The following MYO16 variants were observed in gnomAD, a reference collection of about 807,000 sequenced individuals.
The protein encoded by MYO16 is unconventional myosin-XVI.
Under a neutral mutation model 205.3 loss-of-function variants are expected in MYO16, and 94 were observed. The observed-to-expected ratio is 0.46, with a 90% CI of 0.39 to 0.54. The LOEUF (loss-of-function observed/expected upper bound fraction) is 0.54. Among genes scored for constraint, MYO16 ranks in the 20% least tolerant of loss-of-function variants. The pLI, the probability that MYO16 is intolerant of heterozygous loss-of-function variation, is 0.00. For missense variants in MYO16, 2,315 were observed against 2,387.5 expected (o/e 0.97, Z 0.63); for synonymous variants, 988 against 954.0 (o/e 1.04, Z -0.66).
intron 32 of MYO16, among the ~76,000 whole-genome samples, chr13:109,154,212 A>C (rs879391705): frequency 6.6e-6 from 1 of 152,222 alleles, no homozygotes; most frequent in Non-Finnish European, 1.5e-5. Flanking sequence ...GCTGGTGTCC[A>C]CAGGTGCTGC....
chr13:109,178,223 T>C (rs1201339754), intron 33 of MYO16, among the ~76,000 whole-genome samples: 1 of 152,174 alleles, frequency 6.6e-6, no homozygotes, highest in East Asian at 1.9e-4. Flanking sequence ...CTAAGGACAC[T>C]ATTGCCACGT....
At chr13:108,889,930 T>C (rs641006) in intron 14 of MYO16, among the ~76,000 whole-genome samples, 9,293 of 152,028 alleles carry the variant, frequency 0.061, 322 homozygotes, top group Middle Eastern at 0.092. Context: ...ATTTATTTAC[T>C]ATTATTGTTA....
chr13:108,569,216 A>T, the MYO16 span, among the ~76,000 whole-genome samples: 1 of 152,090 alleles, frequency 6.6e-6, no homozygotes, highest in Non-Finnish European at 1.5e-5. Context: ...TGGAATTTTG[A>T]TAGGGTTTGT....
intron 16 of MYO16, among the ~76,000 whole-genome samples, chr13:108,919,510 C>G (rs1881647931): frequency 6.6e-6 from 1 of 152,166 alleles, no homozygotes; most frequent in African/African-American, 2.4e-5. Context: ...TCTTTGACAT[C>G]TTCTCCTTTA....
chr13:109,090,729 A>G (rs1038323649), intron 27 of MYO16, among the ~76,000 whole-genome samples: 1 of 152,082 alleles, frequency 6.6e-6, no homozygotes, highest in Non-Finnish European at 1.5e-5. Flanking sequence ...AACAAAATAG[A>G]TTTCTGTGTG....
intron 20 of MYO16, among the ~76,000 whole-genome samples, chr13:108,986,010 C>T (rs933802923): frequency 3.3e-5 from 5 of 152,094 alleles, no homozygotes; most frequent in African/African-American, 9.7e-5. Flanking sequence ...ACAATCATGG[C>T]AGAAGGCGAA....
At chr13:108,801,448 A>G (rs936968506) in intron 6 of MYO16, among the ~76,000 whole-genome samples, 3 of 152,250 alleles carry the variant, frequency 2.0e-5, no homozygotes, top group Non-Finnish European at 4.4e-5. Context: ...AGGATGTATC[A>G]AATGGAAATC....
chr13:108,565,568 G>GT, the MYO16 span, among the ~76,000 whole-genome samples: 645 of 152,106 alleles, frequency 4.2e-3, 3 homozygotes, highest in African/African-American at 0.015. Flanking sequence ...GTTCTGGTAG[G>GT]TTTTTTTGAT....
chr13:108,555,504 G>GA, the MYO16 span, among the ~76,000 whole-genome samples: 2 of 152,230 alleles, frequency 1.3e-5, no homozygotes, highest in Admixed American at 6.5e-5. Flanking sequence ...TCGTTGATGA[G>GA]AAAAGCACAA....
chr13:109,113,515 G>A (rs76937927), intron 28 of MYO16, among the ~76,000 whole-genome samples: 97 of 152,260 alleles, frequency 6.4e-4, no homozygotes, highest in South Asian at 1.0e-3. Flanking sequence ...GAAAGATCAC[G>A]CTGAATATAG....
chr13:108,894,694 G>A (rs924447633), intron 14 of MYO16, among the ~76,000 whole-genome samples: 3 of 152,172 alleles, frequency 2.0e-5, no homozygotes, highest in African/African-American at 7.2e-5. Context: ...CATCTTAAAA[G>A]CCTGCATGAG....
At chr13:108,927,342 A>G (rs1346854762) in intron 16 of MYO16, among the ~76,000 whole-genome samples, 1 of 152,176 alleles carries the variant, frequency 6.6e-6, no homozygotes, top group Non-Finnish European at 1.5e-5. Context: ...TGATTTTTCA[A>G]CATCCCTTGG....
chr13:109,025,052 C>T (rs569986804), intron 23 of MYO16, among the ~76,000 whole-genome samples: 2 of 152,188 alleles, frequency 1.3e-5, no homozygotes, highest in East Asian at 1.9e-4. Context: ...TGGGCCCAAG[C>T]GAGAGCTCAA....
intron 20 of MYO16, among the ~76,000 whole-genome samples, chr13:108,983,012 AC>A (rs1884500116): frequency 6.6e-6 from 1 of 152,042 alleles, no homozygotes; most frequent in Non-Finnish European, 1.5e-5. Flanking sequence ...AGAAAAAAAA[AC>A]CTTTTCAATT....
At chr13:108,810,204 A>G (rs1887245054) in intron 7 of MYO16, among the ~76,000 whole-genome samples, 1 of 152,212 alleles carries the variant, frequency 6.6e-6, no homozygotes, top group Middle Eastern at 3.2e-3. Context: ...TACTGAGGAA[A>G]GTGTCTGAAG....
rs375781415 is a variant in MYO16, at chr13:108,685,418, C to T, written c.292+19269C>T. Among the ~76,000 whole-genome samples the T allele has an allele frequency of 3.3e-5, 5 of 152,202 alleles. No individual in the cohort carries two copies. In the South Asian group the frequency reaches 8.3e-4, roughly 25 times the overall value. ...TGGGAGGAGTCTTGTGGGACTGAGCCCTTACCTGTGTATTTACCTGTGTTA... is the reference window on the plus strand; with the variant it reads ...TGGGAGGAGTCTTGTGGGACTGAGCTCTTACCTGTGTATTTACCTGTGTTA... On this transcript the variant is annotated intron_variant, in intron 2 of 34. Transcript: ENST00000457511.
At position 108,856,631 on chromosome 13, in the gene MYO16, T is replaced by C. The variant is rs1331156694; in HGVS notation, c.1359+1078T>C. 2.9e-5 allele frequency among the ~76,000 whole-genome samples: 4 copies of C among 139,750 alleles called. No homozygotes were observed. In the East Asian group the frequency reaches 9.4e-4, roughly 33 times the overall value. 91.7% of individuals were successfully genotyped at this position (139,750 alleles called of 152,430 possible). On this transcript the variant is annotated intron_variant, in intron 11 of 34. Transcript: ENST00000457511. ...CATTTTTTCATCTTTTTTCCCAGTA[T>C]TGTGTTGATTTTTTTTGTCTTAATT...
the MYO16 span, among the ~76,000 whole-genome samples, chr13:108,550,356 A>T: frequency 6.6e-6 from 1 of 152,272 alleles, no homozygotes; most frequent in South Asian, 2.1e-4. Flanking sequence ...AAAACAAAGG[A>T]CAAGCATGCT....
the MYO16 span, among the ~76,000 whole-genome samples, chr13:108,502,152 G>T: frequency 6.6e-6 from 1 of 152,226 alleles, no homozygotes; most frequent in East Asian, 1.9e-4. Flanking sequence ...GGTGGAGGTT[G>T]CAGTGAGCCG....
Sources: allele counts gnomAD v4.1 joint callset (sites outside exome capture counted in the v4.1 genomes callset), GRCh38; gene constraint gnomAD v4.1.1; transcripts MANE v1.5; gene names NCBI Gene and HGNC (gene_info 2026-07-23, HGNC 2026-07-21).